The following GALNT6 variants were observed in gnomAD, a reference collection of about 807,000 sequenced individuals.
GALNT6 encodes the protein GalNAc transferase 6.
A neutral mutation model predicts 65.9 loss-of-function variants in GALNT6; 51 were observed. The observed-to-expected ratio is 0.77, with a 90% CI of 0.62 to 0.98. The LOEUF is 0.98. Among genes scored for constraint, GALNT6 ranks in the 50% least tolerant of loss-of-function variants. The pLI is 0.00. For missense variants in GALNT6, 708 were observed against 803.3 expected, an observed-to-expected ratio of 0.88 and a Z score of 1.43; for synonymous variants, 323 against 315.1, an observed-to-expected ratio of 1.02 and a Z score of -0.26.
chr12:51,371,094 ATT>A (rs1947281588), intron 4 of GALNT6, among the ~76,000 whole-genome samples: 1 of 103,538 alleles, frequency 9.7e-6, no homozygotes, highest in Non-Finnish European at 2.1e-5. Flanking sequence ...TATTATTATT[ATT>A]ATTTGAGATG....
chr12:51,361,261 C>G (rs2137573859), intron 6 of GALNT6, among the ~76,000 whole-genome samples: 2 of 152,340 alleles, frequency 1.3e-5, no homozygotes, highest in South Asian at 4.1e-4. Flanking sequence ...CTTTCAGAAG[C>G]TGTGTGAAAT....
At chr12:51,360,954 C>T (rs1417493211) in intron 6 of GALNT6, 116 bp from the exon 7 acceptor site, 5 of 649,548 alleles carry the variant, frequency 7.7e-6, no homozygotes, top group Non-Finnish European at 1.4e-5. Flanking sequence ...TTTCCTCTTT[C>T]TCAGGACGTG....
chr12:51,382,746 C>T (rs78431444), intron 2 of GALNT6, among the ~76,000 whole-genome samples: 1 of 152,322 alleles, frequency 6.6e-6, no homozygotes, highest in African/African-American at 2.4e-5. Context: ...GGAAAGGGAC[C>T]TGCTTGGCAG....
intron 4 of GALNT6, among the ~76,000 whole-genome samples, chr12:51,371,698 C>G (rs1014995446): frequency 8.5e-5 from 13 of 152,132 alleles, no homozygotes; most frequent in Non-Finnish European, 1.6e-4. Context: ...TGCCCTGGTT[C>G]TGACTCAGAG....
chr12:51,372,243 T>C (rs1947314969), intron 4 of GALNT6, among the ~76,000 whole-genome samples: 1 of 152,202 alleles, frequency 6.6e-6, no homozygotes, highest in African/African-American at 2.4e-5. Context: ...AGGGTGTCGC[T>C]CTGTCACCCA....
intron 4 of GALNT6, among the ~76,000 whole-genome samples, chr12:51,368,358 T>A (rs561326807): frequency 1.3e-5 from 2 of 151,352 alleles, no homozygotes; most frequent in South Asian, 4.2e-4. Flanking sequence ...GTCTCTATAA[T>A]TTGGAATTTC....
Position 51,358,824 on chromosome 12 carries a change from C to T in GALNT6, c.1368+308G>A, listed in dbSNP as rs73309776. 2.3e-3 allele frequency among the ~76,000 whole-genome samples: 355 copies of T among 152,298 alleles called. 1 individual carries two copies. The highest frequency in any genetic ancestry group is 7.4e-3 in the African/African-American group (309 of 41,564). On this transcript the variant is annotated intron_variant, in intron 8 of 11. Coordinates refer to ENST00000356317, the MANE Select transcript of GALNT6 (RefSeq NM_007210.4). ...ACAATTATGTCCCACTCCCCAGTGC[C>T]GAGGCTCTCAGAGCCATTCCTCCAA...
At chr12:51,376,672 GT>G (rs1405976330) in intron 4 of GALNT6, among the ~76,000 whole-genome samples, 1 of 151,330 alleles carries the variant, frequency 6.6e-6, no homozygotes, top group Admixed American at 6.6e-5. Flanking sequence ...ACCTATGGGG[GT>G]TTTTAGTATT....
chr12:51,380,715 C>T lies in GALNT6; in HGVS notation c.-103-831G>A, dbSNP rs748815863. Among the ~76,000 whole-genome samples the T allele has an allele frequency of 9.9e-5, 15 of 152,154 alleles. No homozygotes were observed. In the East Asian group the frequency reaches 1.4e-3, roughly 14 times the overall value. ...CTGAGGCAGGAGAGTCACTTGAACCCGGGAGGCAGAGGTTGCAGTAGGCTA... is the reference window on the plus strand; with the variant it reads ...CTGAGGCAGGAGAGTCACTTGAACCTGGGAGGCAGAGGTTGCAGTAGGCTA... On this transcript the variant is annotated intron_variant, in intron 2 of 11. Coordinates refer to ENST00000356317, the MANE Select transcript of GALNT6 (RefSeq NM_007210.4).
Position 51,364,129 on chromosome 12 carries a change from G to A in GALNT6, c.1041C>T (p.Tyr347=). The change falls in exon 6 of 12, where the codon TAC becomes TAT. Residue 347 remains tyrosine, a synonymous_variant. Transcript: ENST00000356317. ...HEKQRRKDET[Y]PIKSPTFAGG... ...CAGGCTGCGGTCCTTACTTGATGGG[G>A]TAGGTTTCATCCTTGCGCCTCTGCT... 6.2e-7 allele frequency: 1 copy of A among 1,612,256 alleles called. No homozygotes were observed. The highest frequency in any genetic ancestry group is 1.1e-5 in the South Asian group (1 of 91,050).
chr12:51,382,724 G>C (rs1947714186), intron 2 of GALNT6, among the ~76,000 whole-genome samples: 1 of 152,238 alleles, frequency 6.6e-6, no homozygotes, highest in Non-Finnish European at 1.5e-5. Context: ...TGACAGCGGT[G>C]GAGGGTATCT....
At chr12:51,366,844 C>G (rs567102012) in intron 4 of GALNT6, among the ~76,000 whole-genome samples, 3 of 152,320 alleles carry the variant, frequency 2.0e-5, no homozygotes, top group East Asian at 3.9e-4. Context: ...TAGCTCTATT[C>G]TGGCTGGGCA....
chr12:51,367,140 C>G (rs1238579214), intron 4 of GALNT6, among the ~76,000 whole-genome samples: 1 of 152,156 alleles, frequency 6.6e-6, no homozygotes, highest in African/African-American at 2.4e-5. Context: ...GCTTGTAATC[C>G]CAGCTACTCG....
Position 51,360,823 on chromosome 12 carries a change from A to G in GALNT6, c.1065T>C (p.Ala355=), listed in dbSNP as rs1027684692. The G allele has an allele frequency of 5.6e-6, 9 of 1,611,578 alleles. No individual in the cohort carries two copies. Among genetic ancestry groups the G allele is most frequent in the Non-Finnish European group, 6.8e-6 (8 of 1,177,830 alleles). Residue 355 remains alanine, a synonymous_variant, in exon 7 of 12, where the codon GCT becomes GCC. Transcript: ENST00000356317. ...ACTTGGAGATGGAGAAGAGGCCACC[A>G]GCAAACGTCGGGGATCTGGAGAGAC... ...ETYPIKSPTF[A]GGLFSISKSY...
intron 2 of GALNT6, among the ~76,000 whole-genome samples, chr12:51,386,805 A>G (rs1397497623): frequency 6.6e-6 from 1 of 152,126 alleles, no homozygotes; most frequent in Non-Finnish European, 1.5e-5. Context: ...CTTCCTCATA[A>G]GCACTTTCTC....
At chr12:51,367,119 T>C (rs1947133270) in intron 4 of GALNT6, among the ~76,000 whole-genome samples, 1 of 151,998 alleles carries the variant, frequency 6.6e-6, no homozygotes, top group Non-Finnish European at 1.5e-5. Flanking sequence ...CAAAATTAGC[T>C]GGGCACGCAT....
chr12:51,367,570 A>C (rs772596425), intron 4 of GALNT6, among the ~76,000 whole-genome samples: 6 of 152,230 alleles, frequency 3.9e-5, no homozygotes, highest in Non-Finnish European at 7.3e-5. Context: ...TGCAGAATGG[A>C]GTTGCCTGCA....
chr12:51,384,121 C>A (rs1462250044), intron 2 of GALNT6, among the ~76,000 whole-genome samples: 1 of 152,188 alleles, frequency 6.6e-6, no homozygotes, highest in Non-Finnish European at 1.5e-5. Context: ...AAGTCTTTTT[C>A]CTCCAGCTAC....
At position 51,387,513 on chromosome 12, in the gene GALNT6, C is replaced by T. The variant is rs1204049334; in HGVS notation, c.-104+3337G>A. On this transcript the variant is annotated intron_variant, in intron 2 of 11. Transcript: ENST00000356317. The surrounding 1 kb of genome is among the most constrained non-coding windows in gnomAD (Gnocchi z 4.2). Reference sequence around the variant, plus strand: ...AGAGCAGCGCTTGGCATGTGGTAGGCACTTGGTTAATATTTGTTGACTTAT... The same window carrying T: ...AGAGCAGCGCTTGGCATGTGGTAGGTACTTGGTTAATATTTGTTGACTTAT... Among the ~76,000 whole-genome samples the T allele has an allele frequency of 6.6e-6, 1 of 152,208 alleles. No homozygotes were observed. Among genetic ancestry groups the T allele is most frequent in the East Asian group, 1.9e-4 (1 of 5,200 alleles).
Sources: gnomAD v4.1 joint callset for allele counts (sites outside exome capture counted in the v4.1 genomes callset) on GRCh38, gnomAD v4.1.1 for gene constraint, Gnocchi (gnomAD v3.1) non-coding constraint, MANE v1.5 for transcripts, NCBI Gene and HGNC (gene_info 2026-07-23, HGNC 2026-07-21) for gene names.